The following VCAN variants were observed in gnomAD, a reference collection of about 807,000 sequenced individuals.
VCAN encodes the protein versican core protein.
Under a neutral mutation model 245.5 loss-of-function variants are expected in VCAN, and 44 were observed. The ratio of observed to expected loss-of-function variants is 0.18; its 90% CI spans 0.14 to 0.23. The LOEUF (loss-of-function observed/expected upper bound fraction) is 0.23. Among genes scored for constraint, VCAN ranks in the 10% least tolerant of loss-of-function variants. The pLI, the probability that VCAN is intolerant of heterozygous loss-of-function variation, is 1.00. For synonymous variants in VCAN, 1,413 were observed against 1,437.0 expected (o/e 0.98, Z 0.38); for missense variants, 3,793 against 4,057.9 (o/e 0.93, Z 1.77).
intron 7 of VCAN, chr5:83,531,223 A>T (rs905750896): frequency 6.6e-6 from 1 of 152,196 alleles, no homozygotes; most frequent in Non-Finnish European, 1.5e-5. Context: ...TGAAAAGTTG[A>T]TATACGGTGT....
At chr5:83,567,082 AC>A (rs1748108824) in intron 12 of VCAN, among the ~76,000 whole-genome samples, 1 of 152,182 alleles carries the variant, frequency 6.6e-6, no homozygotes, top group African/African-American at 2.4e-5. Context: ...CTGAAAAGTG[AC>A]TGATTCCAGC....
intron 7 of VCAN, among the ~76,000 whole-genome samples, chr5:83,528,354 G>A (rs1324061444): frequency 6.6e-6 from 1 of 152,072 alleles, no homozygotes; most frequent in Non-Finnish European, 1.5e-5. Flanking sequence ...CCCAACTTAG[G>A]CTCACCAGTG....
At chr5:83,495,901 C>T (rs1335989766) in intron 5 of VCAN, among the ~76,000 whole-genome samples, 1 of 152,122 alleles carries the variant, frequency 6.6e-6, no homozygotes, top group Admixed American at 6.5e-5. Flanking sequence ...AGCCAGAGAG[C>T]CCTAGAGACC....
In VCAN at chr5:83,580,164, T is replaced by C. The variant is rs1198341671; in HGVS notation, c.10063+2T>C. On this transcript the variant is annotated splice_donor_variant, in intron 14 of 14. Transcript: ENST00000265077. LOFTEE classifies it high-confidence loss of function. ...TACCTAAAATTACCTGCATGAACCGTAAGTGGTCCTTTAGAAAGAATGGAC... is the reference window on the plus strand; with the variant it reads ...TACCTAAAATTACCTGCATGAACCGCAAGTGGTCCTTTAGAAAGAATGGAC... 6.2e-7 allele frequency: 1 copy of C among 1,614,082 alleles called. No homozygotes were observed. The highest frequency in any genetic ancestry group is 1.3e-5 in the African/African-American group (1 of 75,038).
In VCAN at chr5:83,483,533, A is replaced by G. The variant is rs754050405; in HGVS notation, c.15A>G (p.Ile5Met). The stretch of plus-strand genomic sequence containing the variant: ...TCTAGGCCAAGATGTTCATAAATAT[A>G]AAGAGCATCTTATGGATGTGTTCAA... MFINIKSILWMCSTL... is the reference protein window; with the variant it reads MFINMKSILWMCSTL... The change falls in exon 2 of 15, where the codon ATA becomes ATG. Residue 5 changes from isoleucine to methionine, a missense_variant. Physicochemically the swap from Ile to Met is conservative, Grantham distance 10. Coordinates refer to ENST00000265077, the MANE Select transcript of VCAN (RefSeq NM_004385.5). 9 of 1,613,400 alleles carry G rather than the reference A, an allele frequency of 5.6e-6. No homozygotes were observed. Among genetic ancestry groups the G allele is most frequent in the Non-Finnish European group, 5.9e-6 (7 of 1,179,518 alleles).
At chr5:83,554,711 G>A (rs71638254) in intron 11 of VCAN, among the ~76,000 whole-genome samples, 7,339 of 152,214 alleles carry the variant, frequency 0.048, 246 homozygotes, top group Admixed American at 0.076. Flanking sequence ...TAAATTGCTA[G>A]GGGAATTATT....
Position 83,520,921 on chromosome 5 carries a change from A to G in VCAN, c.2615A>G (p.Asp872Gly), listed in dbSNP as rs1746065808. 1 of 1,614,052 alleles carries G rather than the reference A, an allele frequency of 6.2e-7. No homozygotes were observed. The highest frequency in any genetic ancestry group is 1.3e-5 in the African/African-American group (1 of 74,952). ...CAGTTAGAGGAGGTTACTGATGAAG[A>G]CATAGCAGCCCATGGAAAATTCACA... ...QKQLEEVTDEDIAAHGKFTIR... is the reference protein window; with the variant it reads ...QKQLEEVTDEGIAAHGKFTIR... The change falls in exon 7 of 15, where the codon GAC (aspartate) becomes GGC (glycine). Residue 872 changes from aspartate to glycine, a missense_variant. By Grantham distance (94) the Asp-to-Gly change is moderately conservative. Transcript: ENST00000265077.
At chr5:83,489,960 A>G in intron 2 of VCAN, 138 bp from the exon 3 acceptor site, 1 of 836,474 alleles carries the variant, frequency 1.2e-6, no homozygotes, top group South Asian at 1.7e-5. Flanking sequence ...TATTCTCTTT[A>G]TATAAAGTCA....
chr5:83,520,486 C>T lies in VCAN; in HGVS notation c.2180C>T (p.Ser727Phe), dbSNP rs199694481. Residue 727 changes from serine to phenylalanine, a missense_variant, in exon 7 of 15, where the codon TCT (serine) becomes TTT (phenylalanine). Ser to Phe is a radical substitution (Grantham distance 155). Coordinates refer to ENST00000265077, the MANE Select transcript of VCAN (RefSeq NM_004385.5). ...GAAGTCTTCTCTGGGATGAAACTCT[C>T]TACATCTCTCTCAGAGCCAATTCAT... ...EEEVFSGMKL[S>F]TSLSEPIHVT... 9.9e-6 allele frequency: 16 copies of T among 1,614,016 alleles called. No individual in the cohort carries two copies. The highest frequency in any genetic ancestry group is 3.3e-4 in the Middle Eastern group (2 of 6,062).
chr5:83,472,851 C>T (rs746213579), intron 1 of VCAN, among the ~76,000 whole-genome samples: 9 of 152,170 alleles, frequency 5.9e-5, no homozygotes, highest in Non-Finnish European at 1.2e-4. Flanking sequence ...TCTGAATCGG[C>T]AGGGATGTGC....
At chr5:83,527,580 G>A (rs1746350677) in intron 7 of VCAN, among the ~76,000 whole-genome samples, 1 of 152,152 alleles carries the variant, frequency 6.6e-6, no homozygotes, top group Admixed American at 6.5e-5. Context: ...TTATCAGTGA[G>A]CTTAACACTG....
rs200007048 is a variant in VCAN at position 83,542,283 on chromosome 5, T to C, written c.9265+15T>C. The C allele has an allele frequency of 1.3e-5, 21 of 1,608,866 alleles. No individual in the cohort carries two copies. Among genetic ancestry groups the C allele is most frequent in the African/African-American group, 6.7e-5 (5 of 74,988 alleles). On this transcript the variant is annotated intron_variant, in intron 8 of 14. Coordinates refer to ENST00000265077, the MANE Select transcript of VCAN (RefSeq NM_004385.5). ...CTATTTACCAGGTAAGATCACAACA[T>C]TGATAAATCTGTTTCCAAACCTGGA...
Position 83,493,620 on chromosome 5 carries a change from G to C in VCAN, c.520G>C (p.Asp174His). 6.2e-7 allele frequency: 1 copy of C among 1,614,078 alleles called. No homozygotes were observed. Among genetic ancestry groups the C allele is most frequent in the Non-Finnish European group, 8.5e-7 (1 of 1,180,024 alleles). The part of the protein sequence containing the change: ...NFEAAQKACL[D>H]VGAVIATPEQ... ...TGAGGCTGCTCAGAAGGCTTGTTTG[G>C]ACGTTGGGGCAGTCATAGCAACTCC... Residue 174 changes from aspartate (D) to histidine (H), a missense_variant, in exon 4 of 15, where the codon GAC (aspartate) becomes CAC (histidine). Asp to His is a moderately conservative substitution (Grantham distance 81, BLOSUM62 -1). Transcript: ENST00000265077.
At chr5:83,562,419 C>T (rs942537113) in intron 12 of VCAN, 33 of 152,076 alleles carry the variant, frequency 2.2e-4, no homozygotes, top group African/African-American at 6.3e-4. Context: ...TGCTCTCTGC[C>T]TTGTCTTTCA....
At chr5:83,566,622 A>G (rs1748087165) in intron 12 of VCAN, among the ~76,000 whole-genome samples, 2 of 151,838 alleles carry the variant, frequency 1.3e-5, no homozygotes, top group African/African-American at 4.8e-5. Flanking sequence ...TAAGTTGGAG[A>G]CTTTGCAAAG....
chr5:83,557,094 A>T (rs903629866), intron 12 of VCAN, among the ~76,000 whole-genome samples: 7 of 152,050 alleles, frequency 4.6e-5, no homozygotes, highest in South Asian at 2.1e-4. Context: ...GCAGCCCATG[A>T]CTTATCCCAA....
At chr5:83,572,883 T>G (rs867557938) in intron 13 of VCAN, among the ~76,000 whole-genome samples, 45 of 149,928 alleles carry the variant, frequency 3.0e-4, no homozygotes, top group African/African-American at 1.0e-3. Flanking sequence ...ATTTATTTAT[T>G]TATTTATTTA....
At chr5:83,481,434 C>T (rs1312835849) in intron 1 of VCAN, among the ~76,000 whole-genome samples, 2 of 151,822 alleles carry the variant, frequency 1.3e-5, no homozygotes, top group African/African-American at 4.8e-5. Flanking sequence ...TTTGGCTGTG[C>T]AATTGATACC....
At chr5:83,482,825 C>G (rs970896561) in intron 1 of VCAN, among the ~76,000 whole-genome samples, 5 of 152,190 alleles carry the variant, frequency 3.3e-5, no homozygotes, top group Admixed American at 2.6e-4. Flanking sequence ...ATTCTTTACT[C>G]TTGAGACGTT....
Sources: gnomAD v4.1 joint callset for allele counts (sites outside exome capture counted in the v4.1 genomes callset) on GRCh38, gnomAD v4.1.1 for gene constraint, MANE v1.5 for transcripts, NCBI Gene and HGNC (gene_info 2026-07-23, HGNC 2026-07-21) for gene names.